The following ACYP2 variants were observed in gnomAD, a reference collection of about 807,000 sequenced individuals.
ACYP2 encodes the protein acylphosphatase-2.
Under a neutral mutation model 11.2 loss-of-function variants are expected in ACYP2, and 12 were observed. The ratio of observed to expected loss-of-function variants is 1.08; its 90% confidence interval spans 0.69 to 1.74. The LOEUF (loss-of-function observed/expected upper bound fraction) is 1.74. Ranked by LOEUF, ACYP2 falls within the 40% of genes most tolerant of loss-of-function variation. The pLI is 0.00. For synonymous variants in ACYP2, 43 were observed against 32.2 expected (o/e 1.33, Z -1.13); for missense variants, 134 against 101.9 (o/e 1.31, Z -1.35).
At chr2:54,118,185 A>G (rs928794236) in intron 4 of ACYP2, among the ~76,000 whole-genome samples, 6 of 152,234 alleles carry the variant, frequency 3.9e-5, no homozygotes, top group African/African-American at 1.4e-4. Flanking sequence ...AACATTATGC[A>G]TGGATCTGTA....
chr2:54,255,357 C>T, intron 6 of ACYP2: 1 of 1,614,176 alleles, frequency 6.2e-7, no homozygotes, highest in Non-Finnish European at 8.5e-7. Flanking sequence ...GGCCTCTAAT[C>T]ATGGCAGACA....
At chr2:54,064,541 C>A (rs115587607) in intron 4 of ACYP2, among the ~76,000 whole-genome samples, 1,612 of 152,268 alleles carry the variant, frequency 0.011, 22 homozygotes, top group African/African-American at 0.036. Context: ...TAATACATTT[C>A]TTTGCTTTTT....
chr2:54,264,051 C>T (rs917964442), intron 6 of ACYP2, among the ~76,000 whole-genome samples: 10 of 152,132 alleles, frequency 6.6e-5, no homozygotes, highest in Admixed American at 2.0e-4. Flanking sequence ...TTCTTGGTCT[C>T]ACTGACTTCA....
chr2:54,251,404 A>C (rs1462248158), intron 6 of ACYP2, among the ~76,000 whole-genome samples: 2 of 151,768 alleles, frequency 1.3e-5, no homozygotes, highest in African/African-American at 4.8e-5. Flanking sequence ...GGTTTTTCTT[A>C]AGCAAGAATA....
intron 2 of ACYP2, among the ~76,000 whole-genome samples, chr2:54,025,664 TA>T (rs1194063266): frequency 6.6e-6 from 1 of 152,238 alleles, no homozygotes; most frequent in East Asian, 1.9e-4. Context: ...GACATTGTCT[TA>T]GTCTGAGACA....
At chr2:54,200,018 T>C (rs1684691471) in intron 6 of ACYP2, among the ~76,000 whole-genome samples, 1 of 152,222 alleles carries the variant, frequency 6.6e-6, no homozygotes. Context: ...TTCCTTTAAC[T>C]CACAAGCTTC....
chr2:54,040,113 G>A (rs1031839590), intron 2 of ACYP2, among the ~76,000 whole-genome samples: 3 of 152,112 alleles, frequency 2.0e-5, no homozygotes, highest in Admixed American at 2.0e-4. Flanking sequence ...GTAAAAGACA[G>A]CAGTGGTAGT....
chr2:54,213,926 C>T (rs1402830804), intron 6 of ACYP2, among the ~76,000 whole-genome samples: 1 of 152,030 alleles, frequency 6.6e-6, no homozygotes, highest in African/African-American at 2.4e-5. Context: ...TGCCACCACA[C>T]CTGGTTATTT....
chr2:54,203,038 C>T (rs564041601), intron 6 of ACYP2, among the ~76,000 whole-genome samples: 36 of 152,158 alleles, frequency 2.4e-4, no homozygotes, highest in Non-Finnish European at 4.4e-4. Context: ...ATTTTATTGA[C>T]ACTATAGATC....
At chr2:54,206,040 G>A (rs901064254) in intron 6 of ACYP2, among the ~76,000 whole-genome samples, 5 of 151,968 alleles carry the variant, frequency 3.3e-5, no homozygotes, top group African/African-American at 1.2e-4. Flanking sequence ...ATTCTGCCTA[G>A]TACTGATTCT....
At chr2:54,114,794 T>A (rs1054960281) in intron 4 of ACYP2, among the ~76,000 whole-genome samples, 2 of 151,864 alleles carry the variant, frequency 1.3e-5, no homozygotes, top group Admixed American at 6.6e-5. Flanking sequence ...TTCATATTTT[T>A]AAAAAGTTTC....
chr2:54,076,198 G>T (rs1351764707), intron 4 of ACYP2, among the ~76,000 whole-genome samples: 2 of 152,208 alleles, frequency 1.3e-5, no homozygotes, highest in African/African-American at 4.8e-5. Flanking sequence ...TCTGGAAGAA[G>T]ATGCCAAACT....
chr2:54,042,059 G>A (rs1394577068), intron 2 of ACYP2, among the ~76,000 whole-genome samples: 1 of 149,454 alleles, frequency 6.7e-6, no homozygotes, highest in Admixed American at 6.7e-5. Context: ...CCAGGCTGGA[G>A]TGCAGTGGCA....
intron 4 of ACYP2, among the ~76,000 whole-genome samples, chr2:54,072,566 CTT>C (rs755362524): frequency 3.1e-4 from 17 of 55,494 alleles, no homozygotes; most frequent in Non-Finnish European, 3.9e-4. Flanking sequence ...TTTCTTTCTT[CTT>C]TTTTTTTTTT....
intron 4 of ACYP2, among the ~76,000 whole-genome samples, chr2:54,058,926 T>C (rs1676314875): frequency 6.6e-6 from 1 of 152,168 alleles, no homozygotes. Flanking sequence ...AAGGCTGGTA[T>C]CTTCCCCACT....
chr2:54,292,535 C>T (rs1015304622), intron 6 of ACYP2, among the ~76,000 whole-genome samples: 2 of 152,068 alleles, frequency 1.3e-5, no homozygotes, highest in African/African-American at 4.8e-5. Flanking sequence ...AAATGTGACT[C>T]TTAGAAAATT....
At chr2:54,085,769 T>C (rs1677913712) in intron 4 of ACYP2, among the ~76,000 whole-genome samples, 1 of 152,164 alleles carries the variant, frequency 6.6e-6, no homozygotes, top group Non-Finnish European at 1.5e-5. Context: ...TGGCAAAAGT[T>C]AAAATTATTT....
intron 3 of ACYP2, among the ~76,000 whole-genome samples, chr2:54,056,197 A>T (rs1676141645): frequency 6.6e-6 from 1 of 152,228 alleles, no homozygotes; most frequent in Non-Finnish European, 1.5e-5. Context: ...CACTGGTGGA[A>T]CTAATCAGGG....
chr2:53,973,851 ATATATGTG>A (rs1207140342), intron 2 of ACYP2: 78 of 117,146 alleles, frequency 6.7e-4, no homozygotes, highest in African/African-American at 1.1e-3. Flanking sequence ...TGTGGGATAT[ATATATGTG>A]TGTGTGTGTG....
Sources: allele counts gnomAD v4.1 joint callset (sites outside exome capture counted in the v4.1 genomes callset), GRCh38; gene constraint gnomAD v4.1.1; transcripts MANE v1.5; gene names NCBI Gene and HGNC (gene_info 2026-07-23, HGNC 2026-07-21).